Variants in UNC5C observed in about 807,000 individuals in gnomAD.
UNC5C encodes the protein netrin receptor UNC5C.
UNC5C carries 47 observed loss-of-function variants against 99.8 expected under a neutral mutation model. The observed-to-expected ratio is 0.47, with a 90% CI of 0.37 to 0.60. UNC5C has a LOEUF of 0.60. Among genes scored for constraint, UNC5C ranks in the 20% least tolerant of loss-of-function variants. The pLI, the probability that UNC5C is intolerant of heterozygous loss-of-function variation, is 0.00. For missense variants in UNC5C, 1,062 were observed against 1,165.9 expected (o/e 0.91, Z 1.30); for synonymous variants, 487 against 452.2 (o/e 1.08, Z -0.98).
intron 1 of UNC5C, among the ~76,000 whole-genome samples, chr4:95,366,293 C>T (rs1744568083): frequency 6.6e-6 from 1 of 152,082 alleles, no homozygotes; most frequent in Non-Finnish European, 1.5e-5. Flanking sequence ...GTGAGACCTC[C>T]ATCTCAAAAA....
At chr4:95,421,813 C>T (rs571377440) in intron 1 of UNC5C, among the ~76,000 whole-genome samples, 2 of 152,114 alleles carry the variant, frequency 1.3e-5, no homozygotes, top group Admixed American at 1.3e-4. Context: ...TGGAAAAGTC[C>T]CCATCATATC....
chr4:95,537,680 GT>G (rs1400469457), intron 1 of UNC5C, among the ~76,000 whole-genome samples: 5 of 152,110 alleles, frequency 3.3e-5, no homozygotes, highest in African/African-American at 1.2e-4. Flanking sequence ...GATAATATGG[GT>G]GTGTCAAACT....
chr4:95,510,387 T>C (rs1445589214), intron 1 of UNC5C, among the ~76,000 whole-genome samples: 1 of 152,082 alleles, frequency 6.6e-6, no homozygotes, highest in Non-Finnish European at 1.5e-5. Flanking sequence ...TGAATGACTA[T>C]AGCTGCCTTA....
intron 1 of UNC5C, among the ~76,000 whole-genome samples, chr4:95,493,687 G>T (rs1011720606): frequency 2.0e-5 from 3 of 151,370 alleles, no homozygotes; most frequent in African/African-American, 7.3e-5. Flanking sequence ...GGCAAAAGTT[G>T]TCTAGGTTTT....
At chr4:95,546,612 G>A (rs1213744050) in intron 1 of UNC5C, among the ~76,000 whole-genome samples, 2 of 152,202 alleles carry the variant, frequency 1.3e-5, no homozygotes, top group Non-Finnish European at 2.9e-5. Context: ...GCAGTGAAAT[G>A]CATACACCCA....
chr4:95,406,164 G>T (rs374756576), intron 1 of UNC5C, among the ~76,000 whole-genome samples: 4 of 152,144 alleles, frequency 2.6e-5, no homozygotes, highest in African/African-American at 9.7e-5. Flanking sequence ...CTAGGTAAAG[G>T]TATGATTTCA....
At chr4:95,502,949 G>C (rs1328412116) in intron 1 of UNC5C, among the ~76,000 whole-genome samples, 2 of 151,956 alleles carry the variant, frequency 1.3e-5, no homozygotes, top group Admixed American at 6.6e-5. Flanking sequence ...TTTGCTCTTT[G>C]TCCATTACAA....
At chr4:95,275,299 A>G (rs1190453439) in intron 4 of UNC5C, among the ~76,000 whole-genome samples, 2 of 152,158 alleles carry the variant, frequency 1.3e-5, no homozygotes, top group African/African-American at 4.8e-5. Flanking sequence ...AAGAATTTTG[A>G]ATTTAAGAGG....
chr4:95,342,947 G>A (rs1743634621), intron 1 of UNC5C, among the ~76,000 whole-genome samples: 1 of 151,978 alleles, frequency 6.6e-6, no homozygotes, highest in Admixed American at 6.6e-5. Context: ...GAAAGGAGAG[G>A]GAAGAGCGGG....
At chr4:95,269,386 C>T (rs1211889371) in intron 4 of UNC5C, among the ~76,000 whole-genome samples, 2 of 152,266 alleles carry the variant, frequency 1.3e-5, no homozygotes, top group South Asian at 4.1e-4. Flanking sequence ...CTTCGACCTC[C>T]CAGGCTCGAG....
intron 12 of UNC5C, among the ~76,000 whole-genome samples, chr4:95,191,368 T>C (rs74652566): frequency 0.041 from 6,310 of 152,250 alleles, 179 homozygotes; most frequent in Non-Finnish European, 0.066. Flanking sequence ...CTTTGAAGTA[T>C]ATCTATTAGA....
At chr4:95,443,665 C>T (rs114898799) in intron 1 of UNC5C, among the ~76,000 whole-genome samples, 2,322 of 151,954 alleles carry the variant, frequency 0.015, 49 homozygotes, top group African/African-American at 0.054. Flanking sequence ...TCAGTTTGTG[C>T]TTTTTTTATA....
rs115601036 is a variant in UNC5C, at chr4:95,243,053, C to A, written c.944-460G>T. ...TACGGTGGAGAAGAAATCTATCCAA[C>A]CTTCCATTCATTCATCCAGTTGGTA... On this transcript the variant is annotated intron_variant, in intron 6 of 15. Coordinates refer to ENST00000453304, the MANE Select transcript of UNC5C (RefSeq NM_003728.4). 6.9e-3 allele frequency among the ~76,000 whole-genome samples: 1,045 copies of A among 152,274 alleles called. 4 individuals carry two copies. Among genetic ancestry groups the A allele is most frequent in the Non-Finnish European group, 0.012 (783 of 68,012 alleles).
At chr4:95,328,766 T>C (rs1341505186) in intron 2 of UNC5C, among the ~76,000 whole-genome samples, 1 of 151,874 alleles carries the variant, frequency 6.6e-6, no homozygotes, top group East Asian at 1.9e-4. Flanking sequence ...TTCTAACTGG[T>C]GTGAGATGAT....
At chr4:95,294,475 G>C (rs766912070) in intron 3 of UNC5C, among the ~76,000 whole-genome samples, 1 of 152,166 alleles carries the variant, frequency 6.6e-6, no homozygotes, top group East Asian at 1.9e-4. Flanking sequence ...ACACACGATC[G>C]AGAGGAAATC....
At chr4:95,219,344 G>A (rs1313546107) in intron 8 of UNC5C, 31 bp from the exon 9 acceptor site, 1 of 1,590,410 alleles carries the variant, frequency 6.3e-7, no homozygotes, top group Non-Finnish European at 8.6e-7. Context: ...AATCCCATTG[G>A]CATTCTCCAT....
At chr4:95,337,579 T>C (rs2149422104) in intron 1 of UNC5C, among the ~76,000 whole-genome samples, 1 of 152,082 alleles carries the variant, frequency 6.6e-6, no homozygotes, top group Non-Finnish European at 1.5e-5. Flanking sequence ...AGCAGCTCTG[T>C]TAAATGCTGG....
intron 5 of UNC5C, 76 bp from the exon 6 acceptor site, chr4:95,245,220 A>G: frequency 7.1e-7 from 1 of 1,405,780 alleles, no homozygotes; most frequent in Non-Finnish European, 9.4e-7. Context: ...CAAAACAGAC[A>G]CAATATGTAA....
At chr4:95,272,347 T>A (rs1740692967) in intron 4 of UNC5C, among the ~76,000 whole-genome samples, 3 of 152,190 alleles carry the variant, frequency 2.0e-5, no homozygotes, top group African/African-American at 7.2e-5. Flanking sequence ...AAGCAACCAC[T>A]AAGTACATGC....
Sources: allele counts gnomAD v4.1 joint callset (sites outside exome capture counted in the v4.1 genomes callset), GRCh38; gene constraint gnomAD v4.1.1; transcripts MANE v1.5; gene names NCBI Gene and HGNC (gene_info 2026-07-23, HGNC 2026-07-21).